FAF1: variants seen among roughly 807,000 people sequenced by gnomAD.
FAF1 encodes FAS-associated factor 1.
FAF1 carries 25 observed loss-of-function variants against 92.5 expected under a neutral mutation model. The observed-to-expected ratio is 0.27, with a 90% confidence interval of 0.20 to 0.38. The LOEUF is 0.38. Among genes scored for constraint, FAF1 ranks in the 10% least tolerant of loss-of-function variants. The pLI is 1.00. For missense variants in FAF1, 636 were observed against 793.3 expected (o/e 0.80, Z 2.38); for synonymous variants, 234 against 273.2 (o/e 0.86, Z 1.42).
intron 8 of FAF1, among the ~76,000 whole-genome samples, chr1:50,623,885 T>C (rs1359686885): frequency 6.7e-6 from 1 of 150,218 alleles, no homozygotes; most frequent in East Asian, 2.0e-4. Flanking sequence ...CTGCAGTGAG[T>C]TGTGATTGCA....
intron 2 of FAF1, among the ~76,000 whole-genome samples, chr1:50,822,972 C>T (rs750382693): frequency 1.6e-4 from 24 of 152,058 alleles, no homozygotes; most frequent in Non-Finnish European, 3.1e-4. Flanking sequence ...CAGGGTTTCT[C>T]CACGTTGGTG....
chr1:50,957,170 T>A (rs1645273388), intron 1 of FAF1, among the ~76,000 whole-genome samples: 1 of 152,106 alleles, frequency 6.6e-6, no homozygotes, highest in African/African-American at 2.4e-5. Flanking sequence ...TTTTCTTCTA[T>A]CAATAACATT....
At chr1:50,485,754 T>C (rs983297158) in intron 17 of FAF1, among the ~76,000 whole-genome samples, 7 of 148,258 alleles carry the variant, frequency 4.7e-5, no homozygotes, top group African/African-American at 1.5e-4. Flanking sequence ...AGAGGTTTAA[T>C]TGACTCACAG....
In FAF1 at chr1:50,583,624, A is replaced by G. The variant is rs1417890270; in HGVS notation, c.1031+28T>C. On this transcript the variant is annotated intron_variant, in intron 11 of 18. Coordinates refer to ENST00000396153, the MANE Select transcript of FAF1 (RefSeq NM_007051.3). This position sits in a 1 kb window ranked among gnomAD's most constrained non-coding sequence, Gnocchi z 4.2. ...TCACAGTAGCATAAAACAGCATCAA[A>G]TTTATATAGTTAATGTCCTAACCCT... 5 of 1,397,090 alleles carry G rather than the reference A, an allele frequency of 3.6e-6. No individual in the cohort carries two copies. Among genetic ancestry groups the G allele is most frequent in the Non-Finnish European group, 4.9e-6 (5 of 1,029,240 alleles). The allele number at this position is 1,397,090 out of a possible 1,614,324, so 86.5% of individuals were successfully genotyped here.
intron 1 of FAF1, among the ~76,000 whole-genome samples, chr1:50,942,162 G>A (rs1645139231): frequency 7.9e-5 from 12 of 152,126 alleles, no homozygotes; most frequent in Admixed American, 7.9e-4. Context: ...ATAACAATTA[G>A]ATGAGATAAT....
At chr1:50,759,992 T>G (rs1345111108) in intron 4 of FAF1, among the ~76,000 whole-genome samples, 1 of 152,192 alleles carries the variant, frequency 6.6e-6, no homozygotes, top group African/African-American at 2.4e-5. Flanking sequence ...CACTTTTTGA[T>G]GGGGTTGTTT....
chr1:50,460,812 G>T (rs1646418125), intron 18 of FAF1, among the ~76,000 whole-genome samples: 1 of 108,758 alleles, frequency 9.2e-6, no homozygotes, highest in East Asian at 2.4e-4. Flanking sequence ...TTGTATATGT[G>T]TGTGTGTGTG....
intron 5 of FAF1, among the ~76,000 whole-genome samples, chr1:50,740,093 T>C (rs1189459952): frequency 6.6e-6 from 1 of 152,120 alleles, no homozygotes; most frequent in East Asian, 1.9e-4. Flanking sequence ...GAATATAGCA[T>C]TGAACAGAAC....
intron 1 of FAF1, among the ~76,000 whole-genome samples, chr1:50,867,193 GA>G (rs1644488608): frequency 6.6e-6 from 1 of 152,028 alleles, no homozygotes; most frequent in South Asian, 2.1e-4. Context: ...ACACAACATG[GA>G]TCAAAGACTT....
intron 18 of FAF1, among the ~76,000 whole-genome samples, chr1:50,474,904 A>G (rs1236885280): frequency 6.6e-6 from 1 of 152,226 alleles, no homozygotes; most frequent in Non-Finnish European, 1.5e-5. Flanking sequence ...ATCAGCAATG[A>G]ATCTAACACA....
At chr1:50,474,279 G>GTA (rs1646610817) in intron 18 of FAF1, among the ~76,000 whole-genome samples, 2 of 152,260 alleles carry the variant, frequency 1.3e-5, no homozygotes, top group Non-Finnish European at 2.9e-5. Context: ...TTCTTTAGAG[G>GTA]TAATGTTCCT....
At chr1:50,564,425 G>A (rs1486026791) in intron 13 of FAF1, among the ~76,000 whole-genome samples, 1 of 152,064 alleles carries the variant, frequency 6.6e-6, no homozygotes, top group Non-Finnish European at 1.5e-5. Context: ...AATCTTACTT[G>A]TGATGCCTAG....
In FAF1 at chr1:50,729,058, A is replaced by ATATATTT. The variant is rs1375923156; in HGVS notation, c.551+9804_551+9805insAAATATA. Among the ~76,000 whole-genome samples the ATATATTT allele has an allele frequency of 9.8e-3, 683 of 70,000 alleles. 12 individuals are homozygous for ATATATTT. The highest frequency in any genetic ancestry group is 0.017 in the East Asian group (53 of 3,154). The allele number at this position is 70,000 out of a possible 152,430, so 45.9% of individuals were successfully genotyped here. ...TCTATATATATATATATATATATATATTTTTTTTTTTTTTGAGGCAGAGTT... is the reference window on the plus strand; with the variant it reads ...TCTATATATATATATATATATATATATATATTTTTTTTTTTTTTTTTGAGGCAGAGTT... On this transcript the variant is annotated intron_variant, in intron 6 of 18. Coordinates refer to ENST00000396153, the MANE Select transcript of FAF1 (RefSeq NM_007051.3).
chr1:50,502,184 T>C (rs1490747886), intron 15 of FAF1, among the ~76,000 whole-genome samples: 2 of 152,124 alleles, frequency 1.3e-5, no homozygotes, highest in Admixed American at 1.3e-4. Context: ...AGAACTGAGT[T>C]CTCTAATAAA....
chr1:50,610,221 T>C (rs1652625403), intron 8 of FAF1, among the ~76,000 whole-genome samples: 1 of 152,246 alleles, frequency 6.6e-6, no homozygotes, highest in Non-Finnish European at 1.5e-5. Context: ...GTTTCATATA[T>C]GATCCATATG....
In FAF1 at chr1:50,733,960, A is replaced by G. The variant is rs551240967; in HGVS notation, c.551+4903T>C. On this transcript the variant is annotated intron_variant, in intron 6 of 18. Transcript: ENST00000396153. ...TACAGGCGTGCACCACCACACCCAG[A>G]TAATTTTTGTATTTTTAGTAGAGAT... is the stretch of plus-strand genomic sequence containing the variant. 1.1e-4 allele frequency among the ~76,000 whole-genome samples: 17 copies of G among 152,132 alleles called. No individual in the cohort carries two copies. The South Asian group carries it at 2.5e-3, about 22-fold the overall frequency.
chr1:50,520,963 T>C (rs1273892045), intron 15 of FAF1, among the ~76,000 whole-genome samples: 1 of 152,236 alleles, frequency 6.6e-6, no homozygotes, highest in Non-Finnish European at 1.5e-5. Context: ...TGTAAGGATA[T>C]GCTTTGGTTC....
chr1:50,800,895 G>A (rs1164424794), intron 3 of FAF1, among the ~76,000 whole-genome samples: 1 of 152,154 alleles, frequency 6.6e-6, no homozygotes, highest in Admixed American at 6.5e-5. Flanking sequence ...GGAAAGGGGG[G>A]AAAATCAAGT....
At chr1:50,952,300 G>A (rs1645221694) in intron 1 of FAF1, among the ~76,000 whole-genome samples, 1 of 152,254 alleles carries the variant, frequency 6.6e-6, no homozygotes, top group Non-Finnish European at 1.5e-5. Flanking sequence ...GGTGGAGACG[G>A]GTTTTCGCCG....
Sources: gnomAD v4.1 joint callset for allele counts (sites outside exome capture counted in the v4.1 genomes callset) on GRCh38, gnomAD v4.1.1 for gene constraint, Gnocchi (gnomAD v3.1) non-coding constraint, MANE v1.5 for transcripts, NCBI Gene and HGNC (gene_info 2026-07-23, HGNC 2026-07-21) for gene names.